RPL3: variants seen among roughly 807,000 people sequenced by gnomAD.
The protein encoded by RPL3 is large ribosomal subunit protein uL3.
In RPL3, 3 loss-of-function variants were observed where a neutral mutation model predicts 46.0. That is an observed-to-expected ratio of 0.07 (90% confidence interval 0.03 to 0.17). RPL3 has a LOEUF of 0.17. Ranked by LOEUF, RPL3 falls within the 10% of genes least tolerant of loss-of-function variation. RPL3 has a pLI of 1.00. For missense variants in RPL3, 387 were observed against 532.7 expected, an observed-to-expected ratio of 0.73 and a Z score of 2.69; for synonymous variants, 224 against 190.8, an observed-to-expected ratio of 1.17 and a Z score of -1.43.
At position 39,318,714 on chromosome 22, in the gene RPL3, G is replaced by A. The variant is rs577789809; in HGVS notation, c.4-122C>T. 120 of 825,318 alleles carry A rather than the reference G, an allele frequency of 1.5e-4. No homozygotes were observed. In the East Asian group the frequency reaches 3.1e-3, roughly 21 times the overall value. The allele number at this position is 825,318 out of a possible 1,614,324, so 51.1% of individuals were successfully genotyped here. A position where few individuals can be genotyped will look rare whatever the true frequency, so the allele number is the denominator to read the frequency against. ...AGAATCCTGACCAGACACCCAGCAA[G>A]CCGAATAAAAAGGTCATTATCTCTT... On this transcript the variant is annotated intron_variant, in intron 1 of 9. Transcript: ENST00000216146.
At chr22:39,319,484 GC>G in intron 1 of RPL3, 110 bp downstream of exon 1, 1 of 1,427,680 alleles carries the variant, frequency 7.0e-7, no homozygotes, top group Non-Finnish European at 9.6e-7. Context: ...GGTCGCCCGT[GC>G]CCCTAAAGCA....
chr22:39,317,920 G>A (rs1270273521), intron 2 of RPL3: 1 of 437,052 alleles, frequency 2.3e-6, no homozygotes, highest in Non-Finnish European at 4.2e-6. Context: ...AAAATTCAGT[G>A]CCCTAACAAT....
chr22:39,319,068 T>A (rs762298016), intron 1 of RPL3: 15 of 537,126 alleles, frequency 2.8e-5, no homozygotes, highest in Admixed American at 2.1e-4. Context: ...AACGTGACAA[T>A]CAGCACACAG....
rs759271779 is a variant in RPL3 at position 39,313,272 on chromosome 22, C to T, written c.1086G>A (p.Lys362=). 6.2e-6 allele frequency: 10 copies of T among 1,613,168 alleles called. No homozygotes were observed. The East Asian group carries it at 2.0e-4, about 32-fold the overall frequency. Residue 362 remains lysine (K), a synonymous_variant, in exon 9 of 10, where the codon AAG becomes AAA. Coordinates refer to ENST00000216146, the MANE Select transcript of RPL3 (RefSeq NM_000967.4). ...LVQTKRRALE[K]IDLKFIDTTS... Reference sequence around the variant, plus strand: ...TGGTGTCAATGAACTTAAGGTCAATCTTCTCCAGAGCCCGCCGCTTCGTCT... The same window carrying T: ...TGGTGTCAATGAACTTAAGGTCAATTTTCTCCAGAGCCCGCCGCTTCGTCT...
chr22:39,317,096 T>TG (rs1347428701), intron 3 of RPL3: 2 of 630,454 alleles, frequency 3.2e-6, no homozygotes, highest in Admixed American at 5.9e-5. Flanking sequence ...CAAACCTTTC[T>TG]GCCCTGGGGA....
At chr22:39,319,077 A>G (rs530114307) in intron 1 of RPL3, 16 of 537,690 alleles carry the variant, frequency 3.0e-5, no homozygotes, top group Non-Finnish European at 5.7e-5. Flanking sequence ...ATCAGCACAC[A>G]GTTTCTGTCC....
At position 39,318,494 on chromosome 22, in the gene RPL3, C is replaced by T. The variant is rs1239482482; in HGVS notation, c.102G>A (p.Lys34=). 1.2e-6 allele frequency: 2 copies of T among 1,613,970 alleles called. No individual in the cohort carries two copies. The highest frequency in any genetic ancestry group is 1.1e-5 in the South Asian group (1 of 91,062). ...GGTGGACCGGCTTGGACGGGTCATC[C>T]TTAGGGAAGCTCTTCACCTTCCCAC... ...RHRGKVKSFP[K]DDPSKPVHLT... Residue 34 remains lysine, a synonymous_variant, in exon 2 of 10, where the codon AAG becomes AAA. Transcript: ENST00000216146.
chr22:39,318,641 C>A, intron 1 of RPL3, 49 bp from the exon 2 acceptor site: 1 of 1,474,180 alleles, frequency 6.8e-7, no homozygotes, highest in Non-Finnish European at 9.2e-7. Flanking sequence ...AGCAGTGCCC[C>A]CTTCTCTAGT....
chr22:39,319,020 A>G (rs371854988), intron 1 of RPL3: 24 of 538,378 alleles, frequency 4.5e-5, no homozygotes, highest in Middle Eastern at 3.1e-4. Flanking sequence ...AATTACACTG[A>G]TACACACAGG....
chr22:39,318,249 C>T (rs553028755), intron 2 of RPL3, 151 bp downstream of exon 2: 39 of 717,242 alleles, frequency 5.4e-5, no homozygotes, highest in Admixed American at 5.0e-4. Context: ...TCAAGTTAAG[C>T]ATTCCCATTC....
chr22:39,319,386 C>T, intron 1 of RPL3: 1 of 672,222 alleles, frequency 1.5e-6, no homozygotes, highest in Non-Finnish European at 2.6e-6. Flanking sequence ...TCTCTCTGGC[C>T]GACCTGCAGG....
chr22:39,314,899 C>T, intron 5 of RPL3, 53 bp from the exon 6 acceptor site: 1 of 1,586,206 alleles, frequency 6.3e-7, no homozygotes, highest in South Asian at 1.1e-5. Context: ...CCCACTGACC[C>T]CTTCCTGCTA....
intron 4 of RPL3, 35 bp downstream of exon 4, chr22:39,316,671 T>C (rs778388508): frequency 1.2e-6 from 2 of 1,611,780 alleles, no homozygotes; most frequent in Non-Finnish European, 1.7e-6. Context: ...TTCTACTAAG[T>C]GGCAGGCCAA....
At chr22:39,315,065 T>A (rs544013918) in intron 5 of RPL3, 46 of 704,196 alleles carry the variant, frequency 6.5e-5, no homozygotes, top group South Asian at 4.8e-4. Flanking sequence ...ATCCATTAGT[T>A]TAAGCTCCCC....
intron 8 of RPL3, 69 bp from the exon 9 acceptor site, chr22:39,313,379 G>GC: frequency 1.9e-6 from 3 of 1,589,730 alleles, no homozygotes; most frequent in Non-Finnish European, 2.6e-6. Flanking sequence ...TGTTCACAGC[G>GC]CCCCTGCATC....
At chr22:39,315,147 G>T in intron 5 of RPL3, 1 of 814,478 alleles carries the variant, frequency 1.2e-6, no homozygotes, top group Non-Finnish European at 2.1e-6. Flanking sequence ...AAGAGCAAAG[G>T]GTCCAGGAAC....
At chr22:39,313,398 C>CTG (rs1922478316) in intron 8 of RPL3, 88 bp from the exon 9 acceptor site, 3 of 1,571,902 alleles carry the variant, frequency 1.9e-6, no homozygotes, top group Non-Finnish European at 2.6e-6. Context: ...TCTGGGAAGC[C>CTG]ACACGATCAA....
In RPL3 at chr22:39,315,388, G is replaced by C. The variant is rs762214025; in HGVS notation, c.669C>G (p.Thr223=). 105 of 1,613,908 alleles carry C rather than the reference G, an allele frequency of 6.5e-5. No homozygotes were observed. The highest frequency in any genetic ancestry group is 2.8e-5 in the Non-Finnish European group (33 of 1,180,054). ...GCTCACCTTTGTAGCCTTTGCCCTT[G>C]GTCACCCCGATGACGTCGATCATCT... is the stretch of plus-strand genomic sequence containing the variant. ...QDEMIDVIGV[T]KGKGYKGVTS... Residue 223 remains threonine, a synonymous_variant, in exon 5 of 10, where the codon ACC becomes ACG. Transcript: ENST00000216146.
chr22:39,313,000 C>G lies in RPL3; in HGVS notation c.1168-16G>C, dbSNP rs200510402. 199 of 1,613,952 alleles carry G rather than the reference C, an allele frequency of 1.2e-4. 1 individual carries two copies. Among genetic ancestry groups the G allele is most frequent in the South Asian group, 1.1e-3 (101 of 91,084 alleles). On this transcript the variant is annotated splice_polypyrimidine_tract_variant and intron_variant, in intron 9 of 9. Coordinates refer to ENST00000216146, the MANE Select transcript of RPL3 (RefSeq NM_000967.4). ...TCAGTGGTCCCTGTGGGGAGAGAGG[C>G]AGTGGTCAGAGGTAGAAGATGACAG... is the stretch of plus-strand genomic sequence containing the variant.
Sources: gnomAD v4.1 joint callset for allele counts on GRCh38, gnomAD v4.1.1 for gene constraint, MANE v1.5 for transcripts, NCBI Gene and HGNC (gene_info 2026-07-23, HGNC 2026-07-21) for gene names.